EMSY: variants seen among roughly 807,000 people sequenced by gnomAD.
EMSY encodes the protein EMSY transcriptional repressor, BRCA2 interacting.
In EMSY, 26 loss-of-function variants were observed where a neutral mutation model predicts 134.6. The ratio of observed to expected loss-of-function variants is 0.19; its 90% CI spans 0.14 to 0.27. The LOEUF (loss-of-function observed/expected upper bound fraction) is 0.27, where lower values mean the gene tolerates loss of function less well. Among genes scored for constraint, EMSY ranks in the 10% least tolerant of loss-of-function variants. EMSY has a pLI of 1.00. For synonymous variants in EMSY, 579 were observed against 577.8 expected (o/e 1.00, Z -0.03); for missense variants, 1,305 against 1,611.4 (o/e 0.81, Z 3.26).
intron 2 of EMSY, among the ~76,000 whole-genome samples, chr11:76,448,901 T>G (rs1055571185): frequency 3.3e-5 from 5 of 152,092 alleles, no homozygotes; most frequent in Non-Finnish European, 7.4e-5. Context: ...TATAAAGAAA[T>G]TGGGATAGAG....
At chr11:76,484,928 C>CAAA (rs201336578) in intron 8 of EMSY, among the ~76,000 whole-genome samples, 1 of 105,836 alleles carries the variant, frequency 9.4e-6, no homozygotes, top group Admixed American at 9.6e-5. Context: ...AACTCCATCT[C>CAAA]AAAAAAAAAA....
exon 19 of EMSY, chr11:76,544,588 G>A (rs756046449): frequency 1.5e-5 from 25 of 1,614,100 alleles, no homozygotes; most frequent in Non-Finnish European, 2.1e-5. Flanking sequence ...AACAAGCACA[G>A]CCCAAGCCAG....
At chr11:76,487,565 A>ATACAAGTT (rs1949239262) in intron 8 of EMSY, among the ~76,000 whole-genome samples, 1 of 152,250 alleles carries the variant, frequency 6.6e-6, no homozygotes, top group Admixed American at 6.5e-5. Context: ...TATCAGTAGC[A>ATACAAGTT]TACAAGTTCA....
At chr11:76,531,287 T>C (rs1040668972) in intron 14 of EMSY, among the ~76,000 whole-genome samples, 4 of 152,204 alleles carry the variant, frequency 2.6e-5, no homozygotes, top group Non-Finnish European at 5.9e-5. Flanking sequence ...ATAATGTTCT[T>C]TATGGTTTTC....
intron 8 of EMSY, among the ~76,000 whole-genome samples, chr11:76,494,890 C>T (rs1364296049): frequency 1.3e-5 from 2 of 152,104 alleles, no homozygotes; most frequent in Middle Eastern, 3.2e-3. Context: ...TGCCTGCCAC[C>T]GTGCCCGGCT....
At chr11:76,520,882 C>T (rs1042861432) in intron 11 of EMSY, among the ~76,000 whole-genome samples, 1 of 151,946 alleles carries the variant, frequency 6.6e-6, no homozygotes, top group Non-Finnish European at 1.5e-5. Context: ...AGACATATTG[C>T]TCATGTTTTT....
At chr11:76,462,655 A>T (rs59953856) in intron 6 of EMSY, among the ~76,000 whole-genome samples, 2 of 152,346 alleles carry the variant, frequency 1.3e-5, no homozygotes, top group East Asian at 3.9e-4. Context: ...TCCCCAAGGA[A>T]CAATAGTATA....
At chr11:76,528,135 A>G (rs1253631772) in intron 13 of EMSY, 133 bp from the exon 15 acceptor site, 2 of 742,964 alleles carry the variant, frequency 2.7e-6, no homozygotes, top group East Asian at 5.4e-5. Flanking sequence ...TTGATGAGCA[A>G]TGCTGTGCCT....
chr11:76,546,928 G>GT (rs1386173753), intron 20 of EMSY: 1 of 291,868 alleles, frequency 3.4e-6, no homozygotes, highest in South Asian at 3.0e-5. Flanking sequence ...TCATGCCTTG[G>GT]TAAGTACAGG....
intron 17 of EMSY, among the ~76,000 whole-genome samples, chr11:76,540,303 A>G (rs1396520751): frequency 6.6e-6 from 1 of 152,116 alleles, no homozygotes; most frequent in African/African-American, 2.4e-5. Flanking sequence ...TAATTTGCTT[A>G]ATTTTAATAT....
chr11:76,520,106 A>C (rs1950591428), intron 11 of EMSY, among the ~76,000 whole-genome samples: 1 of 152,132 alleles, frequency 6.6e-6, no homozygotes, highest in African/African-American at 2.4e-5. Flanking sequence ...ATCCCCTGAT[A>C]CAGAAACATG....
intron 5 of EMSY, 99 bp downstream of exon 6, chr11:76,458,457 A>G: frequency 8.0e-7 from 1 of 1,243,842 alleles, no homozygotes; most frequent in Non-Finnish European, 1.1e-6. Context: ...CTTTTATTCT[A>G]GTGTTTAAAG....
intron 4 of EMSY, 36 bp downstream of exon 4, chr11:76,453,424 G>C: frequency 6.3e-7 from 1 of 1,582,062 alleles, no homozygotes; most frequent in South Asian, 1.1e-5. Flanking sequence ...GATTTTTTAT[G>C]ACATAGTATA....
chr11:76,465,801 GT>G (rs1198149511), intron 7 of EMSY, among the ~76,000 whole-genome samples: 3 of 152,140 alleles, frequency 2.0e-5, no homozygotes, highest in Admixed American at 2.0e-4. Flanking sequence ...CACTAAAAAG[GT>G]GACAGAAAGC....
At chr11:76,469,911 A>G (rs889720780) in intron 7 of EMSY, among the ~76,000 whole-genome samples, 17 of 152,176 alleles carry the variant, frequency 1.1e-4, no homozygotes, top group African/African-American at 3.6e-4. Flanking sequence ...AAGTCTATCT[A>G]TAAATATGCT....
rs529841259 is a variant in EMSY, at chr11:76,529,139, C to T, written c.2194+673C>T. On this transcript the variant is annotated intron_variant, in intron 14 of 20. Transcript: ENST00000334736. ...CTTGAAATAAACTCATGATCATAAA[C>T]TTTGAGACCTTCTACAAATCTAGTA... is the stretch of plus-strand genomic sequence containing the variant. Among the ~76,000 whole-genome samples, 5 of 152,264 alleles carry T rather than the reference C, an allele frequency of 3.3e-5. No individual in the cohort carries two copies. The South Asian group carries it at 1.0e-3, about 32-fold the overall frequency.
rs71040003 is a variant in EMSY at position 76,522,352 on chromosome 11, C to CTTTTTT, written c.1685-778_1685-773dup. On this transcript the variant is annotated intron_variant, in intron 11 of 20. Transcript: ENST00000334736. ...CTTGTTTTGTATATCGTTTACTTTG[C>CTTTTTT]TTTTTTTTTTTTTTTTTTTTTTTTT... Among the ~76,000 whole-genome samples the CTTTTTT allele has an allele frequency of 3.6e-3, 159 of 44,256 alleles. 17 individuals are homozygous for CTTTTTT. The highest frequency in any genetic ancestry group is 6.2e-3 in the African/African-American group (66 of 10,640). The allele number at this position is 44,256 out of a possible 152,430, so 29.0% of individuals were successfully genotyped here.
chr11:76,445,600 A>G (rs1176124446), intron 1 of EMSY, among the ~76,000 whole-genome samples: 2 of 152,014 alleles, frequency 1.3e-5, no homozygotes, highest in African/African-American at 4.8e-5. Context: ...TCTCCTTGAC[A>G]CTTGAGTGGG....
chr11:76,503,232 C>T (rs572855963), intron 9 of EMSY, among the ~76,000 whole-genome samples: 106 of 131,668 alleles, frequency 8.1e-4, no homozygotes, highest in Non-Finnish European at 1.2e-3. Flanking sequence ...ACCTGAGAGG[C>T]GGAGGTTGCA....
Sources: allele counts gnomAD v4.1 joint callset (sites outside exome capture counted in the v4.1 genomes callset), GRCh38; gene constraint gnomAD v4.1.1; transcripts MANE v1.5; gene names NCBI Gene and HGNC (gene_info 2026-07-23, HGNC 2026-07-21).